The following N4BP2L2 variants were observed in gnomAD, a reference collection of about 807,000 sequenced individuals.
The protein encoded by N4BP2L2 is NEDD4-binding protein 2-like 2.
A neutral mutation model predicts 56.2 loss-of-function variants in N4BP2L2; 50 were observed. The ratio of observed to expected loss-of-function variants is 0.89; its 90% confidence interval spans 0.71 to 1.13. The LOEUF is 1.13. Ranked by LOEUF, N4BP2L2 falls within the 50% of genes most tolerant of loss-of-function variation. The pLI is 0.00. For synonymous variants in N4BP2L2, 203 were observed against 223.6 expected, an observed-to-expected ratio of 0.91 and a Z score of 0.82; for missense variants, 689 against 693.8, an observed-to-expected ratio of 0.99 and a Z score of 0.08.
intron 6 of N4BP2L2, among the ~76,000 whole-genome samples, chr13:32,462,721 C>A (rs1200516044): frequency 6.6e-6 from 1 of 151,768 alleles, no homozygotes; most frequent in Non-Finnish European, 1.5e-5. Flanking sequence ...ACTACAAATA[C>A]CCCCATTAAA....
In N4BP2L2 at chr13:32,527,751, T is replaced by C. The variant is rs142148940; in HGVS notation, c.1260-219A>G. On this transcript the variant is annotated intron_variant, in intron 2 of 5. Coordinates refer to ENST00000267068, the Ensembl canonical transcript of N4BP2L2. The stretch of plus-strand genomic sequence containing the variant: ...TTTCAAATCACTTTACACTTAAATC[T>C]ACACAATTACAGATGCTAACAGAAA... 3.0e-4 allele frequency among the ~76,000 whole-genome samples: 46 copies of C among 151,774 alleles called. No individual in the cohort carries two copies. The East Asian group carries it at 5.4e-3, about 18-fold the overall frequency.
intron 6 of N4BP2L2, among the ~76,000 whole-genome samples, chr13:32,457,947 A>G (rs1408581305): frequency 6.6e-6 from 1 of 152,236 alleles, no homozygotes; most frequent in Non-Finnish European, 1.5e-5. Flanking sequence ...AATGACAGGA[A>G]TAAGTCCTTA....
At chr13:32,477,530 A>G (rs1406217356) in intron 6 of N4BP2L2, 2 of 219,306 alleles carry the variant, frequency 9.1e-6, no homozygotes, top group Non-Finnish European at 1.9e-5. Context: ...AATACAAAGA[A>G]CTGAGAGTTC....
Position 32,536,866 on chromosome 13 carries a change from C to T in N4BP2L2, c.162G>A (p.Trp54Ter), listed in dbSNP as rs760284753. 3.1e-6 allele frequency: 5 copies of T among 1,613,896 alleles called. No homozygotes were observed. The South Asian group carries it at 5.5e-5, about 18-fold the overall frequency. The change falls in exon 2 of 6, where the codon TGG (tryptophan) becomes TGA (stop). Residue 54 changes from tryptophan to a stop codon, truncating the protein, a stop_gained. Transcript: ENST00000267068. LOFTEE classifies it high-confidence loss of function. ...TGACATCAATGATGGTCACAGGGAC[C>T]CAATCATTTCCAGTTTTCTCTTGGA...
At chr13:32,446,287 G>C in intron 6 of N4BP2L2, 2 of 1,042,770 alleles carry the variant, frequency 1.9e-6, no homozygotes, top group African/African-American at 3.3e-5. Flanking sequence ...GTTGTGATGG[G>C]GCCTCTATAA....
intron 2 of N4BP2L2, among the ~76,000 whole-genome samples, chr13:32,533,366 T>C (rs1410979135): frequency 6.6e-6 from 1 of 152,090 alleles, no homozygotes; most frequent in Non-Finnish European, 1.5e-5. Context: ...TCCGACATCT[T>C]GAATACTTAC....
chr13:32,441,529 C>A (rs992967584), intron 7 of N4BP2L2, among the ~76,000 whole-genome samples: 1 of 150,800 alleles, frequency 6.6e-6, no homozygotes, highest in African/African-American at 2.4e-5. Context: ...ACTAATAATA[C>A]AAAAATTAGC....
In N4BP2L2 at chr13:32,442,891, A is replaced by AT. The variant is rs746213048; in HGVS notation, c.1600dup (p.Met534AsnfsTer4). 1.9e-6 allele frequency: 3 copies of AT among 1,612,892 alleles called. No individual in the cohort carries two copies. Among genetic ancestry groups the AT allele is most frequent in the Non-Finnish European group, 2.5e-6 (3 of 1,179,552 alleles). ...CCACAATGGATGATGATCAAAGGTC[A>AT]TAAGTTTTTGTTTATTCTCCTCTTC... On this transcript the variant is annotated frameshift_variant, in exon 7 of 10. Transcript: ENST00000357505. LOFTEE classifies it high-confidence loss of function.
chr13:32,476,154 G>A (rs1351185350), intron 6 of N4BP2L2, among the ~76,000 whole-genome samples: 1 of 152,194 alleles, frequency 6.6e-6, no homozygotes, highest in Non-Finnish European at 1.5e-5. Flanking sequence ...CAGGATTCCT[G>A]AAGGCAGGAA....
At chr13:32,462,861 T>TAAAAAAAAAAAA (rs569068082) in intron 6 of N4BP2L2, among the ~76,000 whole-genome samples, 2 of 51,112 alleles carry the variant, frequency 3.9e-5, no homozygotes, top group African/African-American at 6.1e-5. Flanking sequence ...CTGTCTTTAC[T>TAAAAAAAAAAAA]AAAAAAAAAA....
chr13:32,521,446 T>A (rs1240654609), exon 5 of N4BP2L2: 1 of 1,602,268 alleles, frequency 6.2e-7, no homozygotes, highest in Non-Finnish European at 8.5e-7. Context: ...CCTTTTCCTA[T>A]GGCCTACACA....
chr13:32,444,767 T>A lies in N4BP2L2; in HGVS notation c.366-641A>T, dbSNP rs186595935. 4.6e-5 allele frequency among the ~76,000 whole-genome samples: 7 copies of A among 152,298 alleles called. No individual in the cohort carries two copies. The East Asian group carries it at 1.4e-3, about 29-fold the overall frequency. ...ACAAGAATATGTTCTGAGAAATGTG[T>A]CATTAGGCAATTTCATCACTGTGTT... On this transcript the variant is annotated intron_variant, in intron 6 of 9. Coordinates refer to the N4BP2L2 transcript ENST00000357505.
chr13:32,462,413 G>A (rs1403872118), intron 6 of N4BP2L2, among the ~76,000 whole-genome samples: 1 of 152,164 alleles, frequency 6.6e-6, no homozygotes, highest in African/African-American at 2.4e-5. Context: ...GGTTGAAAGT[G>A]AATGATAGTT....
intron 6 of N4BP2L2, among the ~76,000 whole-genome samples, chr13:32,493,046 C>T (rs1438999356): frequency 6.6e-6 from 1 of 151,582 alleles, no homozygotes; most frequent in Non-Finnish European, 1.5e-5. Context: ...CCTCACCCTC[C>T]CGAGTAGCTG....
At chr13:32,512,206 C>A (rs980056623) in exon 6 of N4BP2L2, 6 of 152,104 alleles carry the variant, frequency 3.9e-5, no homozygotes, top group Non-Finnish European at 2.9e-5. Flanking sequence ...GAGGCAAACC[C>A]AATAGCTCCT....
intron 2 of N4BP2L2, among the ~76,000 whole-genome samples, chr13:32,531,614 G>A (rs1366252198): frequency 6.6e-6 from 1 of 152,074 alleles, no homozygotes; most frequent in African/African-American, 2.4e-5. Context: ...CCTGAATTAA[G>A]AATCAAGGGA....
chr13:32,455,961 C>T (rs1207948), intron 6 of N4BP2L2, among the ~76,000 whole-genome samples: 53,698 of 152,084 alleles, frequency 0.35, 10,982 homozygotes, highest in East Asian at 0.68. Flanking sequence ...CCCACCACCA[C>T]GACTGCCATC....
chr13:32,505,486 G>C (rs1159320556), downstream of N4BP2L2: 1 of 152,108 alleles, frequency 6.6e-6, no homozygotes, highest in African/African-American at 2.4e-5. Flanking sequence ...TCAGGCTCTG[G>C]TTGCTTTTGG....
chr13:32,454,584 T>C (rs909865231), intron 6 of N4BP2L2, among the ~76,000 whole-genome samples: 1 of 152,200 alleles, frequency 6.6e-6, no homozygotes, highest in African/African-American at 2.4e-5. Flanking sequence ...ATTGGACTTA[T>C]TAGACAAAGA....
Sources: gnomAD v4.1 joint callset for allele counts (sites outside exome capture counted in the v4.1 genomes callset) on GRCh38, gnomAD v4.1.1 for gene constraint, MANE v1.5 for transcripts, NCBI Gene and HGNC (gene_info 2026-07-23, HGNC 2026-07-21) for gene names.